COA1: variants seen among roughly 807,000 people sequenced by gnomAD.
COA1 encodes cytochrome c oxidase assembly factor 1 homolog.
Under a neutral mutation model 16.0 loss-of-function variants are expected in COA1, and 13 were observed. The ratio of observed to expected loss-of-function variants is 0.81; its 90% CI spans 0.53 to 1.29. COA1 has a LOEUF of 1.29. COA1 is among the 50% of genes most tolerant of loss of function. The pLI is 0.00. For synonymous variants in COA1, 65 were observed against 65.7 expected (o/e 0.99, Z 0.05); for missense variants, 179 against 177.0 (o/e 1.01, Z -0.06).
rs779733171 is a variant in COA1, at chr7:43,633,938, T to C, written c.*133+5511A>G. On this transcript the variant is annotated intron_variant and NMD_transcript_variant, in intron 6 of 6. Coordinates refer to the COA1 transcript ENST00000415076. ...CTGTTTTCTCCGCTCAGATTTTTAT[T>C]TCATCTTTAAATTCAGTGATTGTTT... Among the ~76,000 whole-genome samples, 258 of 152,302 alleles carry C rather than the reference T, an allele frequency of 1.7e-3. 1 individual carries two copies. Among genetic ancestry groups the C allele is most frequent in the Admixed American group, 3.5e-3 (54 of 15,300 alleles).
chr7:43,700,591 CGTGTGTGT>C (rs58589217), intron 1 of COA1, among the ~76,000 whole-genome samples: 4 of 144,962 alleles, frequency 2.8e-5, no homozygotes, highest in South Asian at 2.2e-4. Flanking sequence ...TGTATATATA[CGTGTGTGT>C]GTGTGTGTGT....
At chr7:43,660,531 C>T (rs569819246) in intron 1 of COA1, among the ~76,000 whole-genome samples, 19 of 152,258 alleles carry the variant, frequency 1.2e-4, no homozygotes, top group African/African-American at 4.6e-4. Flanking sequence ...GAATTACTCT[C>T]CCTATTTTGT....
At chr7:43,705,375 G>A (rs1408699596) in intron 1 of COA1, among the ~76,000 whole-genome samples, 1 of 152,252 alleles carries the variant, frequency 6.6e-6, no homozygotes, top group Non-Finnish European at 1.5e-5. Context: ...CTACCGGCAG[G>A]TGCACATTGG....
At chr7:43,722,557 C>T (rs1223773096) in intron 1 of COA1, among the ~76,000 whole-genome samples, 1 of 152,182 alleles carries the variant, frequency 6.6e-6, no homozygotes, top group Admixed American at 6.5e-5. Context: ...CACATGCCAT[C>T]ACGCCCAGCT....
chr7:43,719,541 C>CT (rs1346819225), intron 1 of COA1, among the ~76,000 whole-genome samples: 1 of 152,216 alleles, frequency 6.6e-6, no homozygotes, highest in African/African-American at 2.4e-5. Flanking sequence ...TTATCCACAA[C>CT]TAACAGTATT....
chr7:43,625,424 A>G (rs2084396263), intron 6 of COA1: 1 of 152,190 alleles, frequency 6.6e-6, no homozygotes, highest in Non-Finnish European at 1.5e-5. Flanking sequence ...GTTTTTGCCT[A>G]AATACTAGTA....
intron 1 of COA1, among the ~76,000 whole-genome samples, chr7:43,678,060 A>G (rs2093614622): frequency 6.6e-6 from 1 of 152,202 alleles, no homozygotes; most frequent in South Asian, 2.1e-4. Flanking sequence ...ATGTGTTCTC[A>G]TCAAGTTGAT....
intron 1 of COA1, among the ~76,000 whole-genome samples, chr7:43,677,800 TAAAAAAAA>T (rs11310207): frequency 2.7e-4 from 32 of 116,832 alleles, no homozygotes; most frequent in Admixed American, 8.1e-4. Context: ...GGCTCTGTCT[TAAAAAAAA>T]AAAAAAAAAA....
chr7:43,696,354 C>A (rs989912596), intron 1 of COA1, among the ~76,000 whole-genome samples: 1 of 152,110 alleles, frequency 6.6e-6, no homozygotes, highest in African/African-American at 2.4e-5. Context: ...TCCACCTGGC[C>A]CCGCCATTGA....
At chr7:43,622,367 G>A (rs192183685) in intron 6 of COA1, 69 of 152,186 alleles carry the variant, frequency 4.5e-4, no homozygotes, top group Middle Eastern at 6.8e-3. Flanking sequence ...TTCTATGGGG[G>A]TTTGTCACAA....
At chr7:43,696,371 C>G (rs864048) in intron 1 of COA1, among the ~76,000 whole-genome samples, 107,721 of 152,148 alleles carry the variant, frequency 0.71, 38,628 homozygotes, top group African/African-American at 0.84. Flanking sequence ...TTGACATATG[C>G]GGAATATTAT....
At chr7:43,623,618 G>T in intron 6 of COA1, 1 of 1,610,620 alleles carries the variant, frequency 6.2e-7, no homozygotes, top group East Asian at 2.2e-5. Flanking sequence ...CAACAGATAT[G>T]TGGTAAGAGT....
chr7:43,665,461 T>A (rs537694118), intron 1 of COA1, among the ~76,000 whole-genome samples: 1 of 152,290 alleles, frequency 6.6e-6, no homozygotes, highest in African/African-American at 2.4e-5. Context: ...AGGTAAACAT[T>A]CACATACATC....
chr7:43,650,211 G>C (rs951002678), intron 1 of COA1: 2 of 152,170 alleles, frequency 1.3e-5, no homozygotes, highest in African/African-American at 4.8e-5. Flanking sequence ...TGGGCAGATG[G>C]GGGAGAGAAG....
At chr7:43,697,983 G>A (rs1439153414) in intron 1 of COA1, among the ~76,000 whole-genome samples, 1 of 152,158 alleles carries the variant, frequency 6.6e-6, no homozygotes, top group African/African-American at 2.4e-5. Context: ...ATGAGTTTCC[G>A]AATCACAGCA....
chr7:43,626,858 T>A (rs1314876840), intron 6 of COA1: 1 of 152,244 alleles, frequency 6.6e-6, no homozygotes, highest in Non-Finnish European at 1.5e-5. Context: ...CTTTAGCTGC[T>A]GTTGTGCTTA....
rs761006358 is a variant in COA1 at position 43,720,346 on chromosome 7, T to C, written c.-39+9083A>G. Reference sequence around the variant, plus strand: ...GTGTTTTTATTGTGGGAAGCAGTAATGTTGCATCCCTGCCTTTCCTCTTTA... The same window carrying C: ...GTGTTTTTATTGTGGGAAGCAGTAACGTTGCATCCCTGCCTTTCCTCTTTA... On this transcript the variant is annotated intron_variant, in intron 1 of 5. Coordinates refer to ENST00000223336, the MANE Select transcript of COA1 (RefSeq NM_018224.4). Among the ~76,000 whole-genome samples, 14 of 152,168 alleles carry C rather than the reference T, an allele frequency of 9.2e-5. No homozygotes were observed. The South Asian group carries it at 1.0e-3, about 11-fold the overall frequency.
chr7:43,625,960 T>C (rs904321904), intron 6 of COA1: 2 of 152,244 alleles, frequency 1.3e-5, no homozygotes, highest in East Asian at 1.9e-4. Context: ...AATGTACTAA[T>C]AGTTTTATTT....
chr7:43,704,773 C>T (rs918713516), intron 1 of COA1, among the ~76,000 whole-genome samples: 12 of 152,154 alleles, frequency 7.9e-5, no homozygotes, highest in Non-Finnish European at 1.2e-4. Flanking sequence ...AGCTTCCTTG[C>T]TATCCAGATT....
Sources: gnomAD v4.1 joint callset for allele counts (sites outside exome capture counted in the v4.1 genomes callset) on GRCh38, gnomAD v4.1.1 for gene constraint, MANE v1.5 for transcripts, NCBI Gene and HGNC (gene_info 2026-07-23, HGNC 2026-07-21) for gene names.